Variants in TTC7A observed in about 807,000 individuals in gnomAD.
TTC7A encodes the protein tetratricopeptide repeat protein 7A.
Under a neutral mutation model 103.7 loss-of-function variants are expected in TTC7A, and 110 were observed. The observed-to-expected ratio is 1.06, with a 90% CI of 0.91 to 1.24. TTC7A has a LOEUF of 1.24. Ranked by LOEUF, TTC7A falls within the 50% of genes most tolerant of loss-of-function variation. TTC7A has a pLI of 0.00. For synonymous variants in TTC7A, 521 were observed against 467.9 expected, an observed-to-expected ratio of 1.11 and a Z score of -1.47; for missense variants, 1,340 against 1,116.3, an observed-to-expected ratio of 1.20 and a Z score of -2.86.
chr2:47,058,043 G>C (rs1683459468), intron 18 of TTC7A, among the ~76,000 whole-genome samples: 2 of 152,228 alleles, frequency 1.3e-5, no homozygotes, highest in African/African-American at 4.8e-5. Flanking sequence ...AGCCTGTTCA[G>C]ATGCCCCAGC....
Position 46,954,732 on chromosome 2 carries a change from C to T in TTC7A, c.349-2107C>T, listed in dbSNP as rs536572305. 2.2e-4 allele frequency among the ~76,000 whole-genome samples: 34 copies of T among 152,092 alleles called. No homozygotes were observed. The East Asian group carries it at 6.2e-3, about 28-fold the overall frequency. On this transcript the variant is annotated intron_variant, in intron 2 of 19. Transcript: ENST00000319190. ...GATTACAGGCGCCCACCACCACGCC[C>T]GGATAATTTTTGTATTTTTAGTAGA...
intron 17 of TTC7A, chr2:47,050,435 C>T (rs1230526110): frequency 5.8e-6 from 1 of 173,602 alleles, no homozygotes; most frequent in East Asian, 1.5e-4. Context: ...AAGCTGAAAG[C>T]AGACTCTTTT....
At chr2:46,917,803 T>G (rs1274280462) in intron 2 of TTC7A, among the ~76,000 whole-genome samples, 1 of 152,242 alleles carries the variant, frequency 6.6e-6, no homozygotes, top group African/African-American at 2.4e-5. Context: ...AACACTGTTT[T>G]ATCAAAGCCA....
chr2:46,930,061 T>G (rs181823035), intron 2 of TTC7A, among the ~76,000 whole-genome samples: 26 of 152,196 alleles, frequency 1.7e-4, no homozygotes, highest in African/African-American at 2.4e-4. Flanking sequence ...CCCTGAGATT[T>G]TGGGGGGAGT....
chr2:47,025,903 C>T (rs1485113759), intron 14 of TTC7A, among the ~76,000 whole-genome samples: 1 of 152,228 alleles, frequency 6.6e-6, no homozygotes, highest in African/African-American at 2.4e-5. Context: ...CCAGGAATAC[C>T]AACTTTATTT....
chr2:46,922,784 C>A (rs981168233), intron 2 of TTC7A, among the ~76,000 whole-genome samples: 2 of 152,136 alleles, frequency 1.3e-5, no homozygotes, highest in Non-Finnish European at 2.9e-5. Context: ...AATTCTGCAG[C>A]AGACACCAGC....
In TTC7A at chr2:46,941,364, G is replaced by GTGCTGCTGCTGC. The variant is rs997844606; in HGVS notation, c.-168_-157dup. ...CCGGGCGGTGCGCTGGGAGCTGCTGGTGCTGCTGCTGCTGCTGCTGCCCAC... is the reference window on the plus strand; with the variant it reads ...CCGGGCGGTGCGCTGGGAGCTGCTGGTGCTGCTGCTGCTGCTGCTGCTGCTGCTGCTGCCCAC... On this transcript the variant is annotated 5_prime_UTR_variant, in exon 1 of 20. Transcript: ENST00000319190. The surrounding 1 kb of genome is among the most constrained non-coding windows in gnomAD (Gnocchi z 4.2). 5.2e-6 allele frequency: 2 copies of GTGCTGCTGCTGC among 381,244 alleles called. No homozygotes were observed. The highest frequency in any genetic ancestry group is 5.5e-5 in the Admixed American group (1 of 18,156). The allele number at this position is 381,244 out of a possible 1,614,324, so 23.6% of individuals were successfully genotyped here. A position where few individuals can be genotyped will look rare whatever the true frequency, so the allele number is the denominator to read the frequency against.
chr2:47,045,077 C>G (rs1682172489), intron 15 of TTC7A, among the ~76,000 whole-genome samples: 1 of 152,208 alleles, frequency 6.6e-6, no homozygotes, highest in Admixed American at 6.5e-5. Context: ...CAGGCCCTGA[C>G]AGTACCGTGG....
Position 46,932,638 on chromosome 2 carries a change from G to C in TTC7A, c.82+15361G>C, listed in dbSNP as rs188055174. On this transcript the variant is annotated intron_variant, in intron 2 of 20. Coordinates refer to the TTC7A transcript ENST00000409245. Reference sequence around the variant, plus strand: ...GGTGGAGGCCAGGTGCAGTGGCTCAGGCCTGTAATCCCAGCAATTTGGGAG... The same window carrying C: ...GGTGGAGGCCAGGTGCAGTGGCTCACGCCTGTAATCCCAGCAATTTGGGAG... Among the ~76,000 whole-genome samples, 96 of 152,034 alleles carry C rather than the reference G, an allele frequency of 6.3e-4. 1 individual carries two copies. Among genetic ancestry groups the C allele is most frequent in the African/African-American group, 2.3e-3 (95 of 41,464 alleles).
intron 1 of TTC7A, among the ~76,000 whole-genome samples, chr2:46,943,863 C>T (rs1432338340): frequency 3.9e-5 from 6 of 152,182 alleles, no homozygotes; most frequent in Admixed American, 3.3e-4. Context: ...TGAGGTCCAG[C>T]GGTGTCTGAT....
chr2:46,967,956 C>T (rs1467926050), intron 3 of TTC7A, among the ~76,000 whole-genome samples: 1 of 151,774 alleles, frequency 6.6e-6, no homozygotes, highest in Non-Finnish European at 1.5e-5. Flanking sequence ...ATTCATCTTC[C>T]GTGGGTGCTG....
intron 19 of TTC7A, among the ~76,000 whole-genome samples, chr2:47,068,949 C>G (rs1469897853): frequency 6.6e-6 from 1 of 151,650 alleles, no homozygotes; most frequent in Non-Finnish European, 1.5e-5. Flanking sequence ...TCCAGCAGCC[C>G]CCTCCCCAAA....
intron 1 of TTC7A, among the ~76,000 whole-genome samples, chr2:46,949,698 T>G (rs896285039): frequency 6.6e-6 from 1 of 152,150 alleles, no homozygotes; most frequent in Non-Finnish European, 1.5e-5. Flanking sequence ...CTAACTCTAC[T>G]GTGGCTGCTA....
At chr2:46,967,926 G>A (rs1672999954) in intron 3 of TTC7A, among the ~76,000 whole-genome samples, 1 of 151,966 alleles carries the variant, frequency 6.6e-6, no homozygotes, top group Admixed American at 6.6e-5. Flanking sequence ...TCCCGTGGCT[G>A]CAGGGTACCC....
upstream of TTC7A, among the ~76,000 whole-genome samples, chr2:46,939,010 C>CAA (rs1190579295): frequency 1.3e-5 from 1 of 76,980 alleles, no homozygotes; most frequent in Non-Finnish European, 2.8e-5. Flanking sequence ...GACTCTGTCT[C>CAA]AAAAAAAAAA....
intron 2 of TTC7A, chr2:46,951,559 C>G: frequency 2.2e-6 from 1 of 449,100 alleles, no homozygotes; most frequent in Non-Finnish European, 4.4e-6. Context: ...CCCTCTGTCT[C>G]TCTCTTTCTT....
At chr2:46,994,106 T>G (rs1198582362) in intron 6 of TTC7A, 8 of 478,162 alleles carry the variant, frequency 1.7e-5, no homozygotes, top group Non-Finnish European at 2.2e-5. Context: ...AATGCTCCTC[T>G]TGTCTAGGAG....
At chr2:46,954,566 CTTT>C (rs35548270) in intron 2 of TTC7A, among the ~76,000 whole-genome samples, 3 of 121,304 alleles carry the variant, frequency 2.5e-5, no homozygotes, top group Non-Finnish European at 1.7e-5. Context: ...AACTAAGAGC[CTTT>C]TTTTTTTTTT....
At chr2:46,943,409 A>C (rs1558491612) in intron 1 of TTC7A, among the ~76,000 whole-genome samples, 1 of 152,062 alleles carries the variant, frequency 6.6e-6, no homozygotes, top group Non-Finnish European at 1.5e-5. Context: ...TCACTGTGGG[A>C]ACTGGCCAGT....
Sources: allele counts gnomAD v4.1 joint callset (sites outside exome capture counted in the v4.1 genomes callset), GRCh38; gene constraint gnomAD v4.1.1; non-coding constraint Gnocchi (gnomAD v3.1); transcripts MANE v1.5; gene names NCBI Gene and HGNC (gene_info 2026-07-23, HGNC 2026-07-21).